Variants in SMG6 observed in about 807,000 individuals in gnomAD.
The protein encoded by SMG6 is telomerase-binding protein EST1A.
SMG6 carries 66 observed loss-of-function variants against 142.2 expected under a neutral mutation model. The observed-to-expected ratio is 0.46, with a 90% CI of 0.38 to 0.57. The LOEUF is 0.57. SMG6 is among the 20% of genes least tolerant of loss of function. The probability of loss-of-function intolerance (pLI) is 0.00; values close to 1 mark genes in which losing one functional copy is unlikely to be tolerated. For missense variants in SMG6, 1,793 were observed against 1,832.0 expected (o/e 0.98, Z 0.39); for synonymous variants, 779 against 702.4 (o/e 1.11, Z -1.72).
intron 10 of SMG6, among the ~76,000 whole-genome samples, chr17:2,225,844 G>C (rs897906953): frequency 6.6e-6 from 1 of 152,080 alleles, no homozygotes; most frequent in Non-Finnish European, 1.5e-5. Context: ...CGGTGGAATG[G>C]AAACAATAAT....
intron 12 of SMG6, among the ~76,000 whole-genome samples, chr17:2,175,074 C>T (rs1436519327): frequency 2.0e-5 from 3 of 152,188 alleles, no homozygotes; most frequent in Admixed American, 6.5e-5. Context: ...CCATGGGAGA[C>T]GCACAGGGAG....
intron 10 of SMG6, among the ~76,000 whole-genome samples, chr17:2,222,517 G>A (rs1294542390): frequency 6.1e-5 from 8 of 131,716 alleles, no homozygotes; most frequent in African/African-American, 1.1e-4. Context: ...GAGAACAGTC[G>A]TGAATGAGCT....
chr17:2,175,919 T>A (rs945519319), intron 12 of SMG6, among the ~76,000 whole-genome samples: 1 of 152,172 alleles, frequency 6.6e-6, no homozygotes, highest in African/African-American at 2.4e-5. Context: ...TTCACATTCA[T>A]ATCATCAGTT....
intron 6 of SMG6, among the ~76,000 whole-genome samples, chr17:2,289,970 T>C (rs930440303): frequency 3.5e-5 from 5 of 143,030 alleles, no homozygotes; most frequent in African/African-American, 1.3e-4. Context: ...ATATATGTAA[T>C]TAAAATTTTT....
chr17:2,190,392 T>C (rs1033908198), intron 10 of SMG6, among the ~76,000 whole-genome samples: 1 of 152,120 alleles, frequency 6.6e-6, no homozygotes, highest in Admixed American at 6.6e-5. Context: ...GTGTCCTGGC[T>C]CCAAGAGACT....
chr17:2,193,958 G>A (rs2072241556), intron 10 of SMG6, among the ~76,000 whole-genome samples: 1 of 152,334 alleles, frequency 6.6e-6, no homozygotes, highest in Non-Finnish European at 1.5e-5. Context: ...AGCCTCCCAA[G>A]TAGCTGGGAT....
chr17:2,099,205 T>G (rs757287228), intron 13 of SMG6, among the ~76,000 whole-genome samples: 1 of 152,024 alleles, frequency 6.6e-6, no homozygotes, highest in Non-Finnish European at 1.5e-5. Context: ...GCCTATACTG[T>G]GTCAATCATG....
intron 1 of SMG6, among the ~76,000 whole-genome samples, chr17:2,301,880 G>A (rs1280971053): frequency 6.6e-6 from 1 of 152,152 alleles, no homozygotes; most frequent in Non-Finnish European, 1.5e-5. Context: ...GTTATCAAAA[G>A]TAACCACTAA....
At chr17:2,301,663 A>T (rs1161390281) in intron 1 of SMG6, among the ~76,000 whole-genome samples, 1 of 151,728 alleles carries the variant, frequency 6.6e-6, no homozygotes, top group Non-Finnish European at 1.5e-5. Flanking sequence ...TAACACGGTG[A>T]AACCCCGTCT....
At chr17:2,266,727 T>C (rs77511728) in intron 8 of SMG6, among the ~76,000 whole-genome samples, 4,699 of 152,286 alleles carry the variant, frequency 0.031, 110 homozygotes, top group Non-Finnish European at 0.048. Context: ...CTGAAGTGGT[T>C]TGGTGACCGA....
intron 8 of SMG6, 82 bp from the exon 9 acceptor site, chr17:2,244,801 T>C (rs1246080763): frequency 9.1e-6 from 11 of 1,202,708 alleles, no homozygotes; most frequent in Admixed American, 1.8e-5. Flanking sequence ...AGTGACACAA[T>C]AACCTGGCCA....
chr17:2,127,534 C>A, intron 13 of SMG6: 1 of 623,982 alleles, frequency 1.6e-6, no homozygotes, highest in Non-Finnish European at 3.1e-6. Flanking sequence ...GGTTTTGGGG[C>A]CAGCATCCTC....
At chr17:2,125,371 G>A (rs572845869) in intron 13 of SMG6, among the ~76,000 whole-genome samples, 1 of 152,266 alleles carries the variant, frequency 6.6e-6, no homozygotes, top group South Asian at 2.1e-4. Context: ...ACGTCACTAC[G>A]ATCCTACGAT....
intron 8 of SMG6, among the ~76,000 whole-genome samples, chr17:2,279,488 T>C (rs1261945622): frequency 3.3e-5 from 5 of 152,220 alleles, no homozygotes; most frequent in African/African-American, 1.2e-4. Flanking sequence ...TGGAAGTTCA[T>C]TCATTTGGGT....
intron 9 of SMG6, chr17:2,239,900 G>A (rs2073759252): frequency 6.6e-6 from 1 of 152,186 alleles, no homozygotes; most frequent in Admixed American, 6.5e-5. Flanking sequence ...GACTAGGCAA[G>A]CAAGTAAAAG....
chr17:2,186,686 GGGA>G lies in SMG6; in HGVS notation c.3129_3131del (p.Pro1044del). 9 of 1,614,234 alleles carry G rather than the reference GGGA, an allele frequency of 5.6e-6. No individual in the cohort carries two copies. Among genetic ancestry groups the G allele is most frequent in the Non-Finnish European group, 7.6e-6 (9 of 1,180,044 alleles). On this transcript the variant is annotated inframe_deletion, in exon 12 of 19. Transcript: ENST00000263073. ...ACTGCGAGGGCAGATCCAGGGATGT[GGGA>G]GGAGGATTCCAGGTGTCCGGGTAGC... is the stretch of plus-strand genomic sequence containing the variant.
At chr17:2,178,357 AATAAGAG>A (rs1388259810) in intron 12 of SMG6, among the ~76,000 whole-genome samples, 1 of 152,216 alleles carries the variant, frequency 6.6e-6, no homozygotes, top group Admixed American at 6.5e-5. Flanking sequence ...ATCCTCTAAG[AATAAGAG>A]ATGTTTGCTG....
chr17:2,243,688 G>T lies in SMG6; in HGVS notation c.2723+970C>A, dbSNP rs1212283581. Among the ~76,000 whole-genome samples the T allele has an allele frequency of 3.9e-5, 6 of 152,260 alleles. No homozygotes were observed. In the East Asian group the frequency reaches 1.2e-3, roughly 29 times the overall value. On this transcript the variant is annotated intron_variant, in intron 9 of 18. Transcript: ENST00000263073. ...GAGCAAGGCTCTGTCTCAAAAAAAA[G>T]CCTTCTAGAGAATTACAGATAAACT...
Position 2,068,237 on chromosome 17 carries a change from G to A in SMG6, c.3835+541C>T, listed in dbSNP as rs1189496408. Among the ~76,000 whole-genome samples the A allele has an allele frequency of 6.6e-6, 1 of 152,236 alleles. No homozygotes were observed. Among genetic ancestry groups the A allele is most frequent in the African/African-American group, 2.4e-5 (1 of 41,452 alleles). ...GACAGTGGTAAGGGCCCAAGTGGTA[G>A]GAATCCACAGGCATGAGCCAAGGGC... is the stretch of plus-strand genomic sequence containing the variant. On this transcript the variant is annotated intron_variant, in intron 16 of 18. Coordinates refer to ENST00000263073, the MANE Select transcript of SMG6 (RefSeq NM_017575.5). This position sits in a 1 kb window ranked among gnomAD's most constrained non-coding sequence, Gnocchi z 6.7.
Sources: gnomAD v4.1 joint callset for allele counts (sites outside exome capture counted in the v4.1 genomes callset) on GRCh38, gnomAD v4.1.1 for gene constraint, Gnocchi (gnomAD v3.1) non-coding constraint, MANE v1.5 for transcripts, NCBI Gene and HGNC (gene_info 2026-07-23, HGNC 2026-07-21) for gene names.